SCN8A: variants seen among roughly 807,000 people sequenced by gnomAD.
The protein encoded by SCN8A is sodium channel protein type 8 subunit alpha.
Under a neutral mutation model 184.1 loss-of-function variants are expected in SCN8A, and 30 were observed. The ratio of observed to expected loss-of-function variants is 0.16; its 90% confidence interval spans 0.12 to 0.22. The LOEUF (loss-of-function observed/expected upper bound fraction) is 0.22. SCN8A is among the 10% of genes least tolerant of loss of function. The pLI is 1.00. For missense variants in SCN8A, 1,057 were observed against 2,498.9 expected, an observed-to-expected ratio of 0.42 and a Z score of 12.30; for synonymous variants, 852 against 907.0, an observed-to-expected ratio of 0.94 and a Z score of 1.09.
intron 1 of SCN8A, among the ~76,000 whole-genome samples, chr12:51,616,899 A>G (rs997509575): frequency 1.6e-4 from 24 of 151,730 alleles, no homozygotes; most frequent in African/African-American, 5.8e-4. Flanking sequence ...AGCCTGAGTG[A>G]CAGAGTGAGA....
chr12:51,751,932 G>T (rs1329193145), intron 14 of SCN8A, among the ~76,000 whole-genome samples: 1 of 152,108 alleles, frequency 6.6e-6, no homozygotes, highest in Non-Finnish European at 1.5e-5. Context: ...ATTGATTCCT[G>T]CATTGCTCCA....
intron 11 of SCN8A, chr12:51,713,357 A>G: frequency 9.6e-7 from 1 of 1,038,712 alleles, no homozygotes; most frequent in Non-Finnish European, 1.5e-6. Context: ...TCAACACAAG[A>G]ATAAGTCACA....
chr12:51,655,041 A>G (rs531835279), intron 1 of SCN8A, among the ~76,000 whole-genome samples: 2 of 152,192 alleles, frequency 1.3e-5, no homozygotes, highest in Admixed American at 1.3e-4. Flanking sequence ...TTTGGATTAC[A>G]GGCATGTACA....
In SCN8A at chr12:51,807,047, G is replaced by A. The variant is rs929319837; in HGVS notation, c.5561G>A (p.Arg1854Gln). ...GACATCCTTTTTGCCTTCACCAAGC[G>A]GGTCCTGGGAGATAGCGGGGAGTTG... is the stretch of plus-strand genomic sequence containing the variant. ...CLDILFAFTK[R>Q]VLGDSGELDI... Residue 1854 changes from arginine to glutamine, a missense_variant, in exon 27 of 27, where the codon CGG becomes CAG. Transcript: ENST00000627620. The surrounding 1 kb of genome is among the most constrained non-coding windows in gnomAD (Gnocchi z 4.5). 6.2e-7 allele frequency: 1 copy of A among 1,613,984 alleles called. No individual in the cohort carries two copies. Among genetic ancestry groups the A allele is most frequent in the South Asian group, 1.1e-5 (1 of 91,084 alleles).
intron 9 of SCN8A, 100 bp downstream of exon 9, chr12:51,703,014 A>C (rs553125635): frequency 8.8e-7 from 1 of 1,130,980 alleles, no homozygotes; most frequent in Non-Finnish European, 1.2e-6. Context: ...ACATTATACA[A>C]GATCTAACTG....
chr12:51,706,010 T>A (rs1941777542), intron 10 of SCN8A, among the ~76,000 whole-genome samples: 1 of 152,234 alleles, frequency 6.6e-6, no homozygotes, highest in African/African-American at 2.4e-5. Flanking sequence ...AGGCAAAATA[T>A]TAAAGTAAAA....
At chr12:51,785,101 G>C (rs2138901247) in intron 21 of SCN8A, among the ~76,000 whole-genome samples, 1 of 152,310 alleles carries the variant, frequency 6.6e-6, no homozygotes, top group Admixed American at 6.5e-5. Context: ...CCTTTTGCCT[G>C]TTCTTTTGCA....
intron 6 of SCN8A, among the ~76,000 whole-genome samples, chr12:51,697,038 C>CAA (rs567183376): frequency 0.013 from 1,627 of 123,690 alleles, 43 homozygotes; most frequent in African/African-American, 0.039. Flanking sequence ...GAATCCGACT[C>CAA]AAAAAAAAAA....
At chr12:51,789,475 T>G (rs1938181918) in intron 24 of SCN8A, 57 bp downstream of exon 24, 2 of 1,545,020 alleles carry the variant, frequency 1.3e-6, no homozygotes, top group Non-Finnish European at 1.8e-6. Context: ...AAGAGGCACC[T>G]TTGTCCCTAT....
chr12:51,745,334 A>G (rs986445929), intron 12 of SCN8A, among the ~76,000 whole-genome samples: 6 of 152,202 alleles, frequency 3.9e-5, no homozygotes, highest in Non-Finnish European at 7.3e-5. Context: ...CTTGTAGGAG[A>G]TCTGGAGCAG....
chr12:51,632,014 A>C (rs1197766177), intron 1 of SCN8A, among the ~76,000 whole-genome samples: 3 of 152,066 alleles, frequency 2.0e-5, no homozygotes, highest in Admixed American at 6.5e-5. Flanking sequence ...TAAGTAAAAC[A>C]AGTAAAACAG....
rs192602106 is a variant in SCN8A at position 51,730,772 on chromosome 12, G to A, written c.1998+8864G>A. ...AAATTATTTTCACTACAGTCACCCT[G>A]TTGTACTATCAAATACTAGCTCTTA... is the stretch of plus-strand genomic sequence containing the variant. On this transcript the variant is annotated intron_variant, in intron 12 of 26. Coordinates refer to ENST00000627620, the MANE Select transcript of SCN8A (RefSeq NM_001330260.2). Among the ~76,000 whole-genome samples the A allele has an allele frequency of 9.7e-4, 148 of 152,230 alleles. 1 individual carries two copies. The highest frequency in any genetic ancestry group is 1.5e-4 in the Non-Finnish European group (10 of 68,002).
intron 2 of SCN8A, among the ~76,000 whole-genome samples, chr12:51,679,563 CA>C (rs1428598205): frequency 6.6e-6 from 1 of 152,140 alleles, no homozygotes; most frequent in Non-Finnish European, 1.5e-5. Context: ...GTATGGCCTA[CA>C]AAGCCTGCAG....
rs1291584569 is a variant in SCN8A at position 51,727,388 on chromosome 12, A to G, written c.1998+5480A>G. Among the ~76,000 whole-genome samples the G allele has an allele frequency of 2.0e-5, 3 of 152,230 alleles. No individual in the cohort carries two copies. In the East Asian group the frequency reaches 5.8e-4, roughly 29 times the overall value. On this transcript the variant is annotated intron_variant, in intron 12 of 26. Transcript: ENST00000627620. The stretch of plus-strand genomic sequence containing the variant: ...ACCAACAACACAACACAAAACAAAA[A>G]AACTATACACCTCCATTTGCAAAAA...
At chr12:51,647,512 C>T (rs749034660) in intron 1 of SCN8A, among the ~76,000 whole-genome samples, 6 of 152,176 alleles carry the variant, frequency 3.9e-5, no homozygotes, top group East Asian at 1.9e-4. Flanking sequence ...GATGAATGCA[C>T]GGGCAGTTCC....
rs1031935135 is a variant in SCN8A at position 51,806,653 on chromosome 12, C to A, written c.5167C>A (p.Leu1723Ile). The A allele has an allele frequency of 2.5e-6, 4 of 1,614,074 alleles. No individual in the cohort carries two copies. The South Asian group carries it at 4.4e-5, about 18-fold the overall frequency. The change falls in exon 27 of 27, where the codon CTA (leucine) becomes ATA (isoleucine). Residue 1723 changes from leucine to isoleucine, a missense_variant. Coordinates refer to ENST00000627620, the MANE Select transcript of SCN8A (RefSeq NM_001330260.2). This position sits in a 1 kb window ranked among gnomAD's most constrained non-coding sequence, Gnocchi z 8.7. ...PILNRPPDCS[L>I]DKEHPGSGFK... ...CCTAAACCGCCCCCCTGACTGCAGC[C>A]TAGATAAGGAACACCCAGGGAGTGG...
At chr12:51,679,757 G>A (rs1032817369) in intron 2 of SCN8A, among the ~76,000 whole-genome samples, 16 of 124,498 alleles carry the variant, frequency 1.3e-4, no homozygotes, top group Non-Finnish European at 2.0e-4. Flanking sequence ...ACGGAGTCTC[G>A]CTCTGTTGCC....
chr12:51,615,095 G>GT (rs1394930928), intron 1 of SCN8A, among the ~76,000 whole-genome samples: 6 of 149,898 alleles, frequency 4.0e-5, no homozygotes. Context: ...CATTTTATTT[G>GT]TTTTCTATTT....
intron 12 of SCN8A, among the ~76,000 whole-genome samples, chr12:51,727,449 G>A (rs1483294129): frequency 6.6e-6 from 1 of 152,048 alleles, no homozygotes; most frequent in Non-Finnish European, 1.5e-5. Context: ...GAGAAGGGGA[G>A]GGAAAGGGTA....
Sources: allele counts gnomAD v4.1 joint callset (sites outside exome capture counted in the v4.1 genomes callset), GRCh38; gene constraint gnomAD v4.1.1; non-coding constraint Gnocchi (gnomAD v3.1); transcripts MANE v1.5; gene names NCBI Gene and HGNC (gene_info 2026-07-23, HGNC 2026-07-21).